Variants in CSMD1 observed in about 807,000 individuals in gnomAD.
CSMD1 encodes the protein CUB and sushi domain-containing protein 1.
In CSMD1, 213 loss-of-function variants were observed where a neutral mutation model predicts 417.5. That is an observed-to-expected ratio of 0.51 (90% CI 0.46 to 0.57). The LOEUF (loss-of-function observed/expected upper bound fraction) is 0.57. CSMD1 is among the 20% of genes least tolerant of loss of function. The pLI is 0.00. For synonymous variants in CSMD1, 2,862 were observed against 1,736.8 expected, an observed-to-expected ratio of 1.65 and a Z score of -16.11; for missense variants, 6,923 against 4,529.7, an observed-to-expected ratio of 1.53 and a Z score of -15.17.
intron 26 of CSMD1, among the ~76,000 whole-genome samples, chr8:3,249,594 A>G (rs551678396): frequency 6.6e-6 from 1 of 150,680 alleles, no homozygotes; most frequent in African/African-American, 2.4e-5. Context: ...TTACAATCGT[A>G]TAAATACACA....
chr8:4,408,857 T>C (rs1796487538), intron 3 of CSMD1, among the ~76,000 whole-genome samples: 1 of 152,178 alleles, frequency 6.6e-6, no homozygotes, highest in Non-Finnish European at 1.5e-5. Flanking sequence ...TTGAAAAATA[T>C]ACTTACGTTT....
rs571961187 is a variant in CSMD1, at chr8:4,030,465, T to G, written c.610+1440A>C. 2.0e-5 allele frequency among the ~76,000 whole-genome samples: 3 copies of G among 152,312 alleles called. No homozygotes were observed. In the South Asian group the frequency reaches 6.2e-4, roughly 32 times the overall value. Reference sequence around the variant, plus strand: ...ATCCTCTGATGACACAGCCTGAGCTTTATGTTGCCCCTTTCAGCCACAGTT... The same window carrying G: ...ATCCTCTGATGACACAGCCTGAGCTGTATGTTGCCCCTTTCAGCCACAGTT... On this transcript the variant is annotated intron_variant, in intron 4 of 69. Transcript: ENST00000635120.
chr8:3,904,657 G>C (rs1194805229), intron 5 of CSMD1, among the ~76,000 whole-genome samples: 1 of 117,204 alleles, frequency 8.5e-6, no homozygotes, highest in African/African-American at 3.7e-5. Flanking sequence ...TTTTTTTTGA[G>C]ATGAAGTCTT....
intron 2 of CSMD1, among the ~76,000 whole-genome samples, chr8:4,450,750 C>A (rs925144108): frequency 6.6e-6 from 1 of 152,120 alleles, no homozygotes; most frequent in Non-Finnish European, 1.5e-5. Context: ...AACAAAACAG[C>A]GGTCTCTTCA....
chr8:4,571,569 G>A (rs1488396391), intron 2 of CSMD1, among the ~76,000 whole-genome samples: 3 of 152,030 alleles, frequency 2.0e-5, no homozygotes, highest in African/African-American at 7.3e-5. Context: ...CAATTATGTG[G>A]TCCATTTTAG....
chr8:4,765,787 G>C (rs898570840), intron 1 of CSMD1, among the ~76,000 whole-genome samples: 1 of 152,272 alleles, frequency 6.6e-6, no homozygotes, highest in African/African-American at 2.4e-5. Context: ...GAGAGAGCCT[G>C]GGGGTTGATG....
chr8:4,738,688 A>G (rs1810402762), intron 1 of CSMD1, among the ~76,000 whole-genome samples: 1 of 152,190 alleles, frequency 6.6e-6, no homozygotes, highest in African/African-American at 2.4e-5. Flanking sequence ...AAATCAGTAT[A>G]TTATATAAAT....
rs764984752 is a variant in CSMD1 at position 3,575,029 on chromosome 8, G to T, written c.1260C>A (p.Gly420=). 3.1e-6 allele frequency: 5 copies of T among 1,613,510 alleles called. No individual in the cohort carries two copies. The highest frequency in any genetic ancestry group is 4.2e-6 in the Non-Finnish European group (5 of 1,179,734). ...CCGGATAATTAGGGGAGGTAATGACGCCGCTGGGCCCACGCAGATTGGATC... is the reference window on the plus strand; with the variant it reads ...CCGGATAATTAGGGGAGGTAATGACTCCGCTGGGCCCACGCAGATTGGATC... ...TCGSNLRGPS[G]VITSPNYPVQ... is the part of the protein sequence containing the mutation. Residue 420 remains glycine, a synonymous_variant, in exon 10 of 70, where the codon GGC becomes GGA. Coordinates refer to ENST00000635120, the MANE Select transcript of CSMD1 (RefSeq NM_033225.6).
intron 26 of CSMD1, chr8:3,279,126 G>A (rs1170729422): frequency 2.6e-5 from 4 of 152,184 alleles, no homozygotes; most frequent in African/African-American, 9.7e-5. Flanking sequence ...TGGCTTTGGG[G>A]TGGTCAGACC....
At chr8:4,868,798 T>G (rs762108177) in intron 1 of CSMD1, among the ~76,000 whole-genome samples, 132 of 151,928 alleles carry the variant, frequency 8.7e-4, no homozygotes, top group Non-Finnish European at 1.6e-3. Flanking sequence ...AAAAAAAGCT[T>G]GTAAAAATAT....
At chr8:3,485,320 A>G (rs370020824) in intron 11 of CSMD1, among the ~76,000 whole-genome samples, 41 of 152,272 alleles carry the variant, frequency 2.7e-4, no homozygotes, top group East Asian at 1.2e-3. Flanking sequence ...TTCTAATTAT[A>G]TAACATTCTT....
At chr8:2,991,231 A>G (rs1363058915) in intron 54 of CSMD1, among the ~76,000 whole-genome samples, 2 of 152,230 alleles carry the variant, frequency 1.3e-5, no homozygotes, top group Admixed American at 6.5e-5. Flanking sequence ...TAAAATCGCA[A>G]TGCTAAAATA....
At chr8:3,104,199 T>G (rs1020063842) in intron 46 of CSMD1, among the ~76,000 whole-genome samples, 7 of 152,240 alleles carry the variant, frequency 4.6e-5, no homozygotes, top group African/African-American at 1.7e-4. Flanking sequence ...AAGGTTTGCC[T>G]GGGTTCATTT....
chr8:2,997,860 C>T (rs1807049427), intron 54 of CSMD1, 151 bp downstream of exon 54: 5 of 700,028 alleles, frequency 7.1e-6, no homozygotes, highest in Non-Finnish European at 1.1e-5. Context: ...TTTGTGCTTA[C>T]TCTCAGAAAT....
At chr8:4,841,679 G>C (rs552357675) in intron 1 of CSMD1, among the ~76,000 whole-genome samples, 1 of 152,198 alleles carries the variant, frequency 6.6e-6, no homozygotes, top group East Asian at 1.9e-4. Context: ...GGGAGGCTGA[G>C]GCAGGCGGAT....
At position 4,897,539 on chromosome 8, in the gene CSMD1, T is replaced by C. The variant is rs973889225; in HGVS notation, c.85+96793A>G. Among the ~76,000 whole-genome samples the C allele has an allele frequency of 5.3e-5, 8 of 152,234 alleles. No individual in the cohort carries two copies. The East Asian group carries it at 1.5e-3, about 29-fold the overall frequency. On this transcript the variant is annotated intron_variant, in intron 1 of 69. Coordinates refer to ENST00000635120, the MANE Select transcript of CSMD1 (RefSeq NM_033225.6). ...CCTATTCGGTGACAAAATTAAACTA[T>C]GTGCTAGTGTTTAATAGATTGCAAT...
chr8:3,317,331 T>C lies in CSMD1; in HGVS notation c.3632-8828A>G, dbSNP rs180974636. On this transcript the variant is annotated intron_variant, in intron 23 of 69. Coordinates refer to ENST00000635120, the MANE Select transcript of CSMD1 (RefSeq NM_033225.6). ...CAGAGCGAGACAATCTCAGTCCTTA[T>C]GGAGTTTCACAGGGAAATTAGACAT... Among the ~76,000 whole-genome samples, 96 of 152,350 alleles carry C rather than the reference T, an allele frequency of 6.3e-4. 1 individual carries two copies. Among genetic ancestry groups the C allele is most frequent in the African/African-American group, 3.4e-4 (14 of 41,590 alleles).
In CSMD1 at chr8:3,907,385, A is replaced by G. The variant is rs1808182655; in HGVS notation, c.818+90518T>C. On this transcript the variant is annotated intron_variant, in intron 5 of 69. Transcript: ENST00000635120. Reference sequence around the variant, plus strand: ...TTCAATCTTTTTGGGAATTATCTAAATGGGGTAATTTAGGTCTTTTATTAT... The same window carrying G: ...TTCAATCTTTTTGGGAATTATCTAAGTGGGGTAATTTAGGTCTTTTATTAT... 2.0e-5 allele frequency among the ~76,000 whole-genome samples: 3 copies of G among 152,230 alleles called. No homozygotes were observed. In the South Asian group the frequency reaches 6.2e-4, roughly 31 times the overall value.
intron 1 of CSMD1, among the ~76,000 whole-genome samples, chr8:4,920,298 A>C (rs534492563): frequency 6.0e-4 from 91 of 152,260 alleles, no homozygotes; most frequent in Middle Eastern, 6.8e-3. Context: ...AAGGCAGTTC[A>C]AGATAAGTCA....
Sources: allele counts gnomAD v4.1 joint callset (sites outside exome capture counted in the v4.1 genomes callset), GRCh38; gene constraint gnomAD v4.1.1; transcripts MANE v1.5; gene names NCBI Gene and HGNC (gene_info 2026-07-23, HGNC 2026-07-21).